The following EML6 variants were observed in gnomAD, a reference collection of about 807,000 sequenced individuals.
The protein encoded by EML6 is echinoderm microtubule-associated protein-like 6.
Under a neutral mutation model 240.1 loss-of-function variants are expected in EML6, and 154 were observed. The observed-to-expected ratio is 0.64, with a 90% CI of 0.56 to 0.73. EML6 has a LOEUF of 0.73. EML6 is among the 30% of genes least tolerant of loss of function. EML6 has a pLI of 0.00. For missense variants in EML6, 2,964 were observed against 2,474.6 expected, an observed-to-expected ratio of 1.20 and a Z score of -4.20; for synonymous variants, 1,148 against 899.0, an observed-to-expected ratio of 1.28 and a Z score of -4.95.
chr2:54,802,799 A>T (rs1670242427), intron 2 of EML6, among the ~76,000 whole-genome samples: 1 of 152,084 alleles, frequency 6.6e-6, no homozygotes, highest in Non-Finnish European at 1.5e-5. Context: ...CATTTACCCC[A>T]TTTGGCAGAT....
intron 2 of EML6, among the ~76,000 whole-genome samples, chr2:54,770,631 C>T (rs1668365738): frequency 6.6e-6 from 1 of 152,214 alleles, no homozygotes; most frequent in Non-Finnish European, 1.5e-5. Flanking sequence ...AGCTGGGCTT[C>T]TCTTGCCACC....
chr2:54,827,050 A>T (rs1031211996), intron 5 of EML6, among the ~76,000 whole-genome samples: 31 of 151,916 alleles, frequency 2.0e-4, no homozygotes, highest in African/African-American at 5.8e-4. Flanking sequence ...GTGCACTCCT[A>T]TAATCTCAGC....
At chr2:54,931,644 C>G (rs914088457) in intron 28 of EML6, among the ~76,000 whole-genome samples, 2 of 152,182 alleles carry the variant, frequency 1.3e-5, no homozygotes, top group African/African-American at 4.8e-5. Flanking sequence ...TATATACCTG[C>G]AGATAATTCT....
At chr2:54,922,429 A>C (rs113603970) in intron 26 of EML6, among the ~76,000 whole-genome samples, 2 of 152,248 alleles carry the variant, frequency 1.3e-5, no homozygotes, top group African/African-American at 4.8e-5. Context: ...ACCCTTGTAC[A>C]CTGTTATGCC....
intron 28 of EML6, among the ~76,000 whole-genome samples, chr2:54,938,371 A>G (rs1011837478): frequency 1.3e-5 from 2 of 152,194 alleles, no homozygotes; most frequent in Non-Finnish European, 2.9e-5. Context: ...ACAGTTACAT[A>G]AGGCAGGAGC....
intron 26 of EML6, among the ~76,000 whole-genome samples, chr2:54,923,369 A>AAACG (rs1558689750): frequency 0.01 from 470 of 46,302 alleles, 3 homozygotes; most frequent in African/African-American, 0.042. Flanking sequence ...CACCAAACGC[A>AAACG]CACACACACA....
At position 54,843,667 on chromosome 2, in the gene EML6, AC is replaced by A. The variant is rs1669583158; in HGVS notation, c.848-376del. On this transcript the variant is annotated intron_variant, in intron 7 of 41. Coordinates refer to ENST00000356458, the MANE Select transcript of EML6 (RefSeq NM_001039753.4). ...AGACCATCCTGGCTAACACGGTGAA[AC>A]CCCGTCTCCACTAAAAATACAAAAA... is the stretch of plus-strand genomic sequence containing the variant. Among the ~76,000 whole-genome samples, 7 of 151,916 alleles carry A rather than the reference AC, an allele frequency of 4.6e-5. No homozygotes were observed. The South Asian group carries it at 1.5e-3, about 32-fold the overall frequency.
At chr2:54,790,907 A>G (rs1278394669) in intron 2 of EML6, among the ~76,000 whole-genome samples, 1 of 151,646 alleles carries the variant, frequency 6.6e-6, no homozygotes, top group Non-Finnish European at 1.5e-5. Context: ...TTGTATTTTT[A>G]GTAGAGACGG....
Position 54,917,983 on chromosome 2 carries a change from A to G in EML6, c.3675+1048A>G, listed in dbSNP as rs964679225. ...GTTTTGAGTTTTACACTTGTGTTAA[A>G]TCAAACTAAAATGGCATTGGCCCTT... On this transcript the variant is annotated intron_variant, in intron 26 of 41. Transcript: ENST00000356458. Among the ~76,000 whole-genome samples, 5 of 152,374 alleles carry G rather than the reference A, an allele frequency of 3.3e-5. No homozygotes were observed. The South Asian group carries it at 6.2e-4, about 19-fold the overall frequency.
chr2:54,864,109 G>C lies in EML6; in HGVS notation c.1932+220G>C, dbSNP rs372585648. ...TCAGCAGAAAGTAATTGCAAAGTTT[G>C]AAAACTGAACCCCTGGTATTTGGGC... On this transcript the variant is annotated intron_variant, in intron 13 of 41. Transcript: ENST00000356458. Among the ~76,000 whole-genome samples, 9 of 152,302 alleles carry C rather than the reference G, an allele frequency of 5.9e-5. 2 individuals carry two copies. Among genetic ancestry groups the C allele is most frequent in the African/African-American group, 2.2e-4 (9 of 41,572 alleles).
intron 17 of EML6, chr2:54,879,851 C>T (rs960304951): frequency 3.8e-5 from 21 of 554,408 alleles, no homozygotes; most frequent in Non-Finnish European, 5.8e-5. Context: ...CAGAAAATTC[C>T]GAAATCCTCT....
At chr2:54,826,973 G>T (rs1668629096) in intron 5 of EML6, among the ~76,000 whole-genome samples, 1 of 152,138 alleles carries the variant, frequency 6.6e-6, no homozygotes, top group Non-Finnish European at 1.5e-5. Flanking sequence ...AGGAGTTCGA[G>T]ACCAGCCTGG....
At chr2:54,789,391 G>T (rs1026043286) in intron 2 of EML6, among the ~76,000 whole-genome samples, 1 of 151,302 alleles carries the variant, frequency 6.6e-6, no homozygotes, top group East Asian at 1.9e-4. Context: ...GCGGGCGCCT[G>T]TAGTCCCAGC....
At chr2:54,796,568 A>G (rs551766287) in intron 2 of EML6, among the ~76,000 whole-genome samples, 54 of 152,158 alleles carry the variant, frequency 3.5e-4, no homozygotes, top group African/African-American at 1.3e-3. Context: ...GGAACACTTA[A>G]ATCCTTTCAT....
chr2:54,935,473 A>T (rs1675087770), intron 28 of EML6, among the ~76,000 whole-genome samples: 1 of 152,252 alleles, frequency 6.6e-6, no homozygotes, highest in African/African-American at 2.4e-5. Context: ...ATATCTGCAT[A>T]ACTTTTTAAA....
Position 54,962,675 on chromosome 2 carries a change from C to T in EML6, c.5121C>T (p.Asn1707=), listed in dbSNP as rs377584854. The part of the protein sequence containing the change: ...PSKDLFISAS[N]DGTARIWDLA... Reference sequence around the variant, plus strand: ...AGGACCTCTTCATCTCTGCCAGCAACGATGGCACAGCCCGGATCTGGGACC... The same window carrying T: ...AGGACCTCTTCATCTCTGCCAGCAATGATGGCACAGCCCGGATCTGGGACC... The change falls in exon 36 of 42, where the codon AAC becomes AAT. Residue 1707 remains asparagine (N), a synonymous_variant. Coordinates refer to ENST00000356458, the MANE Select transcript of EML6 (RefSeq NM_001039753.4). 1.2e-4 allele frequency: 180 copies of T among 1,526,520 alleles called. 1 individual carries two copies. The African/African-American group carries it at 1.9e-3, about 16-fold the overall frequency. 94.6% of individuals were successfully genotyped at this position (1,526,520 alleles called of 1,614,324 possible).
intron 28 of EML6, among the ~76,000 whole-genome samples, chr2:54,948,072 T>A (rs773930952): frequency 6.6e-6 from 1 of 152,190 alleles, no homozygotes; most frequent in Non-Finnish European, 1.5e-5. Context: ...GAACATGCGG[T>A]GGGAGCTGGT....
chr2:54,934,626 T>C (rs963371434), intron 28 of EML6, among the ~76,000 whole-genome samples: 2 of 152,124 alleles, frequency 1.3e-5, no homozygotes, highest in African/African-American at 4.8e-5. Flanking sequence ...CCTGGCTCAC[T>C]GCAGCCTCAG....
chr2:54,966,911 C>A, intron 38 of EML6, 89 bp from the exon 39 acceptor site: 1 of 803,552 alleles, frequency 1.2e-6, no homozygotes, highest in South Asian at 1.6e-5. Flanking sequence ...GATGCAGAGG[C>A]TGGGCAGTGT....
Sources: gnomAD v4.1 joint callset for allele counts (sites outside exome capture counted in the v4.1 genomes callset) on GRCh38, gnomAD v4.1.1 for gene constraint, MANE v1.5 for transcripts, NCBI Gene and HGNC (gene_info 2026-07-23, HGNC 2026-07-21) for gene names.